Variants in PDE11A observed in about 807,000 individuals in gnomAD.
The protein encoded by PDE11A is dual 3',5'-cyclic-AMP and -GMP phosphodiesterase 11A.
PDE11A carries 100 observed loss-of-function variants against 100.5 expected under a neutral mutation model. The observed-to-expected ratio is 1.00, with a 90% CI of 0.85 to 1.18. The LOEUF (loss-of-function observed/expected upper bound fraction) is 1.18. Ranked by LOEUF, PDE11A falls within the 50% of genes most tolerant of loss-of-function variation. The pLI is 0.00. For synonymous variants in PDE11A, 381 were observed against 420.8 expected, an observed-to-expected ratio of 0.91 and a Z score of 1.16; for missense variants, 1,141 against 1,152.6, an observed-to-expected ratio of 0.99 and a Z score of 0.15.
At chr2:178,023,652 A>G (rs192240906) in intron 1 of PDE11A, among the ~76,000 whole-genome samples, 6 of 152,338 alleles carry the variant, frequency 3.9e-5, no homozygotes, top group African/African-American at 1.4e-4. Context: ...CAAAATGCTC[A>G]AACTGTTCAA....
intron 5 of PDE11A, among the ~76,000 whole-genome samples, chr2:177,851,325 G>A (rs1000534277): frequency 1.3e-5 from 2 of 151,950 alleles, no homozygotes; most frequent in African/African-American, 4.8e-5. Flanking sequence ...TCATAGGTGG[G>A]AATTGAACAA....
At chr2:178,038,322 C>G (rs1023682901) in intron 1 of PDE11A, among the ~76,000 whole-genome samples, 58 of 147,534 alleles carry the variant, frequency 3.9e-4, no homozygotes, top group Admixed American at 6.1e-4. Context: ...TAACACTGAT[C>G]TGCTTCCTGT....
At chr2:177,904,461 T>C (rs1182638458) in intron 3 of PDE11A, among the ~76,000 whole-genome samples, 3 of 152,148 alleles carry the variant, frequency 2.0e-5, no homozygotes, top group Admixed American at 1.3e-4. Flanking sequence ...AGGAACTTAG[T>C]TGTAAAAGCA....
intron 2 of PDE11A, among the ~76,000 whole-genome samples, 186 bp downstream of exon 2, chr2:178,014,116 C>A (rs1254322278): frequency 6.6e-6 from 1 of 152,116 alleles, no homozygotes; most frequent in Non-Finnish European, 1.5e-5. Flanking sequence ...TAATTATTTT[C>A]AATTTTACCA....
intron 2 of PDE11A, among the ~76,000 whole-genome samples, chr2:178,100,109 A>G (rs1238508037): frequency 6.6e-6 from 1 of 152,208 alleles, no homozygotes; most frequent in East Asian, 1.9e-4. Flanking sequence ...GGGCTATTCA[A>G]TGGGTACAGA....
chr2:177,836,667 T>C (rs561169254), intron 6 of PDE11A, among the ~76,000 whole-genome samples: 28 of 152,322 alleles, frequency 1.8e-4, no homozygotes, highest in Admixed American at 9.1e-4. Flanking sequence ...ACTCTTTGGG[T>C]CTGCACTGCC....
At chr2:177,694,414 A>G (rs2081081489) in intron 15 of PDE11A, among the ~76,000 whole-genome samples, 2 of 152,230 alleles carry the variant, frequency 1.3e-5, no homozygotes, top group South Asian at 4.1e-4. Context: ...ATCCCAAATC[A>G]AGGAGCATTA....
At chr2:177,825,482 T>G (rs1432427698) in intron 6 of PDE11A, among the ~76,000 whole-genome samples, 1 of 152,226 alleles carries the variant, frequency 6.6e-6, no homozygotes. Flanking sequence ...AATTGCCTAT[T>G]TGCGGCAGCA....
At chr2:177,795,867 C>T (rs531173854) in intron 9 of PDE11A, among the ~76,000 whole-genome samples, 21 of 145,718 alleles carry the variant, frequency 1.4e-4, no homozygotes, top group Admixed American at 7.7e-4. Flanking sequence ...GGGAGGGCCA[C>T]GTGAAGCAAA....
At chr2:178,072,816 C>T (rs2087156352), upstream of PDE11A, 2 of 1,207,030 alleles carry the variant, frequency 1.7e-6, no homozygotes, top group African/African-American at 3.2e-5. Flanking sequence ...TAGGGCAGGA[C>T]ACGCCCCTGA....
intron 2 of PDE11A, among the ~76,000 whole-genome samples, chr2:177,946,020 A>T (rs1461866861): frequency 9.9e-6 from 1 of 101,078 alleles, no homozygotes; most frequent in Non-Finnish European, 2.0e-5. Flanking sequence ...CAGCCCCCCC[A>T]CCCGGCCAGC....
At chr2:178,042,623 A>C (rs1402651053) in intron 1 of PDE11A, among the ~76,000 whole-genome samples, 1 of 152,198 alleles carries the variant, frequency 6.6e-6, no homozygotes, top group Non-Finnish European at 1.5e-5. Context: ...ACTGGTGGCA[A>C]ATTGAAAGAT....
rs911831126 is a variant in PDE11A at position 177,633,460 on chromosome 2, C to T, written c.2647-3898G>A. On this transcript the variant is annotated intron_variant, in intron 19 of 19. Coordinates refer to ENST00000286063, the MANE Select transcript of PDE11A (RefSeq NM_016953.4). Reference sequence around the variant, plus strand: ...TAAAATGTAACTAGATGTAAGTTAACGGAGTGGGGGTGGGGGTTGAAAGCC... The same window carrying T: ...TAAAATGTAACTAGATGTAAGTTAATGGAGTGGGGGTGGGGGTTGAAAGCC... Among the ~76,000 whole-genome samples, 9 of 152,116 alleles carry T rather than the reference C, an allele frequency of 5.9e-5. 1 individual carries two copies. The highest frequency in any genetic ancestry group is 2.1e-4 in the South Asian group (1 of 4,828).
chr2:178,020,993 C>T (rs997106463), intron 1 of PDE11A, among the ~76,000 whole-genome samples: 4 of 140,090 alleles, frequency 2.9e-5, no homozygotes, highest in Admixed American at 7.4e-5. Flanking sequence ...TGGAGTTTCC[C>T]TCTTTTTGTC....
At chr2:178,101,398 T>C (rs2087557769) in intron 2 of PDE11A, among the ~76,000 whole-genome samples, 1 of 152,202 alleles carries the variant, frequency 6.6e-6, no homozygotes, top group South Asian at 2.1e-4. Flanking sequence ...CACATGGATG[T>C]GTTCACCAAG....
intron 6 of PDE11A, among the ~76,000 whole-genome samples, chr2:177,827,532 C>A (rs1331212065): frequency 6.6e-6 from 1 of 152,156 alleles, no homozygotes; most frequent in East Asian, 1.9e-4. Context: ...CATGTGATGG[C>A]TCTGAAAATT....
rs570430244 is a variant in PDE11A, at chr2:178,102,315, C to T, written c.162+1987G>A. ...CTGATTTTTGTATTTTTAGTAGAGA[C>T]GGGGTTTCACTCTGTTGGCCAGGCT... On this transcript the variant is annotated intron_variant, in intron 2 of 20. Coordinates refer to the PDE11A transcript ENST00000358450. 2.6e-5 allele frequency among the ~76,000 whole-genome samples: 4 copies of T among 151,386 alleles called. No homozygotes were observed. The South Asian group carries it at 8.4e-4, about 32-fold the overall frequency.
chr2:178,105,163 T>A (rs1210245627), intron 1 of PDE11A, among the ~76,000 whole-genome samples: 4 of 152,124 alleles, frequency 2.6e-5, no homozygotes, highest in Non-Finnish European at 4.4e-5. Context: ...CAGTTTTAAG[T>A]AGTAAAGACC....
At chr2:177,695,804 G>A (rs1373862671) in intron 15 of PDE11A, among the ~76,000 whole-genome samples, 1 of 152,150 alleles carries the variant, frequency 6.6e-6, no homozygotes, top group African/African-American at 2.4e-5. Flanking sequence ...CGTGTCTTAA[G>A]CTTTGAACAT....
Sources: gnomAD v4.1 joint callset for allele counts (sites outside exome capture counted in the v4.1 genomes callset) on GRCh38, gnomAD v4.1.1 for gene constraint, MANE v1.5 for transcripts, NCBI Gene and HGNC (gene_info 2026-07-23, HGNC 2026-07-21) for gene names.